Variants in ITSN1 observed in about 807,000 individuals in gnomAD.
The protein encoded by ITSN1 is intersectin-1.
Under a neutral mutation model 239.8 loss-of-function variants are expected in ITSN1, and 58 were observed. The observed-to-expected ratio is 0.24, with a 90% confidence interval of 0.20 to 0.30. ITSN1 has a LOEUF of 0.30. Among genes scored for constraint, ITSN1 ranks in the 10% least tolerant of loss-of-function variants. ITSN1 has a pLI of 1.00. For synonymous variants in ITSN1, 780 were observed against 770.8 expected, an observed-to-expected ratio of 1.01 and a Z score of -0.20; for missense variants, 1,558 against 2,103.3, an observed-to-expected ratio of 0.74 and a Z score of 5.07.
At chr21:33,750,397 CTT>C in intron 6 of ITSN1, 75 bp downstream of exon 6, 1 of 1,302,634 alleles carries the variant, frequency 7.7e-7, no homozygotes, top group Non-Finnish European at 1.1e-6. Flanking sequence ...AATATTTTCT[CTT>C]CACGTTCTGA....
chr21:33,832,575 C>G (rs956067056), intron 27 of ITSN1, among the ~76,000 whole-genome samples: 1 of 152,180 alleles, frequency 6.6e-6, no homozygotes, highest in Non-Finnish European at 1.5e-5. Context: ...TGAGGAAACA[C>G]CAGTGAGTTC....
chr21:33,677,122 G>A (rs182800931), intron 1 of ITSN1, among the ~76,000 whole-genome samples: 191 of 152,046 alleles, frequency 1.3e-3, no homozygotes, highest in Non-Finnish European at 1.1e-3. Flanking sequence ...AAACCTGCAC[G>A]TTGTGCACAT....
chr21:33,691,601 C>T (rs577102420), intron 1 of ITSN1, among the ~76,000 whole-genome samples: 2 of 152,320 alleles, frequency 1.3e-5, no homozygotes, highest in African/African-American at 2.4e-5. Flanking sequence ...TCTTATAAAA[C>T]TGGCTTAGTC....
intron 25 of ITSN1, 151 bp downstream of exon 25, chr21:33,823,804 T>G: frequency 1.3e-6 from 1 of 752,642 alleles, no homozygotes; most frequent in Non-Finnish European, 2.1e-6. Flanking sequence ...TTTGATCTTG[T>G]CATTTGGCAC....
chr21:33,816,327 G>A (rs1438459886), intron 22 of ITSN1, among the ~76,000 whole-genome samples: 2 of 152,158 alleles, frequency 1.3e-5, no homozygotes, highest in African/African-American at 4.8e-5. Flanking sequence ...GCTCACCACT[G>A]TTATTTCTAT....
rs1435496218 is a variant in ITSN1 at position 33,891,407 on chromosome 21, A to G, written c.*3107A>G. On this transcript the variant is annotated 3_prime_UTR_variant, in exon 40 of 40. Transcript: ENST00000381318. ...ACAACCTAAAGTATGACCTAAGTGT[A>G]TGAAACTAACTGATTTCTTTGGGTA... is the stretch of plus-strand genomic sequence containing the variant. The G allele has an allele frequency of 6.6e-6, 1 of 152,178 alleles. No individual in the cohort carries two copies. Among genetic ancestry groups the G allele is most frequent in the African/African-American group, 2.4e-5 (1 of 41,442 alleles). The allele number at this position is 152,178 out of a possible 1,614,324, so 9.4% of individuals were successfully genotyped here.
chr21:33,851,199 C>T (rs1233115030), intron 29 of ITSN1, among the ~76,000 whole-genome samples: 1 of 152,142 alleles, frequency 6.6e-6, no homozygotes, highest in Non-Finnish European at 1.5e-5. Context: ...GTCTCCGCGT[C>T]GACCTGGCAC....
intron 32 of ITSN1, among the ~76,000 whole-genome samples, chr21:33,866,355 G>A (rs893162339): frequency 3.9e-5 from 6 of 152,214 alleles, no homozygotes; most frequent in Admixed American, 2.0e-4. Flanking sequence ...GCTGCTGGGC[G>A]CCATGGACCA....
chr21:33,801,765 A>C (rs1284393106), intron 19 of ITSN1, among the ~76,000 whole-genome samples: 1 of 152,230 alleles, frequency 6.6e-6, no homozygotes, highest in African/African-American at 2.4e-5. Flanking sequence ...ACAGTTATTG[A>C]CTGAAACATG....
chr21:33,738,902 C>T (rs2066672085), intron 5 of ITSN1, among the ~76,000 whole-genome samples: 1 of 152,162 alleles, frequency 6.6e-6, no homozygotes, highest in Non-Finnish European at 1.5e-5. Context: ...TCAAGCGTTC[C>T]TCCTGCTTCA....
rs1321282514 is a variant in ITSN1, at chr21:33,889,081, G to T, written c.*781G>T. On this transcript the variant is annotated 3_prime_UTR_variant, in exon 40 of 40. Coordinates refer to ENST00000381318, the MANE Select transcript of ITSN1 (RefSeq NM_003024.3). ...CCCTCTGCTGGATCAGATCACTACA[G>T]GTCACTGGAAAGGCAACTTTACAAT... 1 of 151,896 alleles carries T rather than the reference G, an allele frequency of 6.6e-6. No individual in the cohort carries two copies. The highest frequency in any genetic ancestry group is 1.5e-5 in the Non-Finnish European group (1 of 67,990). 9.4% of individuals were successfully genotyped at this position (151,896 alleles called of 1,614,324 possible). A position where few individuals can be genotyped will look rare whatever the true frequency, so the allele number is the denominator to read the frequency against.
intron 5 of ITSN1, among the ~76,000 whole-genome samples, chr21:33,749,136 G>C (rs2067381167): frequency 6.6e-6 from 1 of 151,790 alleles, no homozygotes; most frequent in Non-Finnish European, 1.5e-5. Context: ...CTACAGGCGG[G>C]TACCACCATG....
intron 35 of ITSN1, 35 bp from the exon 36 acceptor site, chr21:33,883,515 G>A: frequency 6.2e-7 from 1 of 1,609,220 alleles, no homozygotes; most frequent in Non-Finnish European, 8.5e-7. Context: ...CAGACCCCCA[G>A]CCTCGCTTTG....
chr21:33,879,702 CAG>C (rs1984579063), intron 34 of ITSN1, among the ~76,000 whole-genome samples: 1 of 151,864 alleles, frequency 6.6e-6, no homozygotes, highest in Non-Finnish European at 1.5e-5. Flanking sequence ...TTTTTTGAGA[CAG>C]AGTCTCACTC....
chr21:33,750,899 G>C (rs2067505600), intron 6 of ITSN1, among the ~76,000 whole-genome samples: 1 of 152,104 alleles, frequency 6.6e-6, no homozygotes, highest in Non-Finnish European at 1.5e-5. Flanking sequence ...GATGTAGATA[G>C]CCTTGGTCTA....
intron 19 of ITSN1, among the ~76,000 whole-genome samples, chr21:33,800,734 A>G (rs1222829016): frequency 6.6e-6 from 1 of 151,950 alleles, no homozygotes; most frequent in Non-Finnish European, 1.5e-5. Flanking sequence ...TCCTTGTTCT[A>G]GTTACTCTCT....
chr21:33,855,630 G>C (rs893933197), intron 29 of ITSN1, among the ~76,000 whole-genome samples: 2 of 152,270 alleles, frequency 1.3e-5, no homozygotes, highest in African/African-American at 2.4e-5. Context: ...AGGCTCAAAT[G>C]TTCAAACAAA....
At chr21:33,670,540 A>C (rs987613104) in intron 1 of ITSN1, among the ~76,000 whole-genome samples, 1 of 151,874 alleles carries the variant, frequency 6.6e-6, no homozygotes, top group Non-Finnish European at 1.5e-5. Flanking sequence ...GCCATCGTTC[A>C]CTTATGTGTT....
chr21:33,882,379 C>T lies in ITSN1; in HGVS notation c.4478C>T (p.Thr1493Met), dbSNP rs1040261538. The T allele has an allele frequency of 1.2e-5, 19 of 1,614,056 alleles. No individual in the cohort carries two copies. Among genetic ancestry groups the T allele is most frequent in the South Asian group, 1.1e-4 (10 of 91,094 alleles). ...GACTTCCTCCTGCTGACTCAGATCA[C>T]GAAGCCTTTGGGGTCTTCTGGCACC... ...FNDFLLLTQI[T>M]KPLGSSGTDK... is the part of the protein sequence containing the mutation. The change falls in exon 35 of 40, where the codon ACG (threonine) becomes ATG (methionine). Residue 1493 changes from threonine to methionine, a missense_variant. Thr to Met is a moderately conservative substitution (Grantham distance 81, BLOSUM62 -1). Coordinates refer to ENST00000381318, the MANE Select transcript of ITSN1 (RefSeq NM_003024.3). This position sits in a 1 kb window ranked among gnomAD's most constrained non-coding sequence, Gnocchi z 4.5.
Sources: gnomAD v4.1 joint callset for allele counts (sites outside exome capture counted in the v4.1 genomes callset) on GRCh38, gnomAD v4.1.1 for gene constraint, Gnocchi (gnomAD v3.1) non-coding constraint, MANE v1.5 for transcripts, NCBI Gene and HGNC (gene_info 2026-07-23, HGNC 2026-07-21) for gene names.